Variants in TJAP1 observed in about 807,000 individuals in gnomAD.
The protein encoded by TJAP1 is tight junction-associated protein 1.
TJAP1 carries 27 observed loss-of-function variants against 42.0 expected under a neutral mutation model. The observed-to-expected ratio is 0.64, with a 90% CI of 0.47 to 0.89. TJAP1 has a LOEUF of 0.89. TJAP1 is among the 40% of genes least tolerant of loss of function. TJAP1 has a pLI of 0.00. For missense variants in TJAP1, 712 were observed against 726.9 expected (o/e 0.98, Z 0.24); for synonymous variants, 257 against 288.4 (o/e 0.89, Z 1.10).
intron 6 of TJAP1, 65 bp downstream of exon 6, chr6:43,501,752 A>G: frequency 1.7e-6 from 1 of 596,696 alleles, no homozygotes; most frequent in Non-Finnish European, 3.1e-6. Flanking sequence ...ACACACACAC[A>G]CACACACTCT....
At chr6:43,504,764 C>T in exon 11 of TJAP1, 1 of 1,609,662 alleles carries the variant, frequency 6.2e-7, no homozygotes, top group Non-Finnish European at 8.5e-7. Flanking sequence ...ACCTCAGCTG[C>T]CCTGTGAGCT....
intron 7 of TJAP1, 40 bp downstream of exon 7, chr6:43,502,389 C>T (rs1791131466): frequency 6.2e-7 from 1 of 1,603,724 alleles, no homozygotes. Flanking sequence ...GCACTGTGCT[C>T]ATAGCATAGC....
At chr6:43,490,782 G>C (rs749095684) in intron 2 of TJAP1, among the ~76,000 whole-genome samples, 11 of 152,184 alleles carry the variant, frequency 7.2e-5, no homozygotes, top group Non-Finnish European at 1.3e-4. Context: ...AGCTGGGAAG[G>C]GTGCCTCAGT....
intron 2 of TJAP1, among the ~76,000 whole-genome samples, chr6:43,483,381 A>G (rs1383760506): frequency 1.3e-5 from 2 of 152,108 alleles, no homozygotes; most frequent in Non-Finnish European, 2.9e-5. Context: ...TCAGTCCATA[A>G]TGCTCACCTC....
intron 2 of TJAP1, among the ~76,000 whole-genome samples, chr6:43,482,962 A>G (rs375402825): frequency 3.3e-5 from 5 of 152,242 alleles, no homozygotes; most frequent in African/African-American, 1.2e-4. Flanking sequence ...TCTCTACTAA[A>G]AATACAAAAA....
intron 5 of TJAP1, chr6:43,501,266 T>C (rs1790451152): frequency 2.1e-6 from 1 of 470,536 alleles, no homozygotes; most frequent in Non-Finnish European, 3.8e-6. Flanking sequence ...TTATTTCTAT[T>C]CTCCGATAGT....
chr6:43,490,274 C>A (rs1436170330), intron 2 of TJAP1, among the ~76,000 whole-genome samples: 1 of 152,262 alleles, frequency 6.6e-6, no homozygotes, highest in African/African-American at 2.4e-5. Flanking sequence ...GACCACCCCC[C>A]ACCGTCACCC....
At chr6:43,501,384 CAGACTA>C (rs1790477529) in intron 5 of TJAP1, 136 bp from the exon 6 acceptor site, 1 of 738,010 alleles carries the variant, frequency 1.4e-6, no homozygotes, top group Non-Finnish European at 2.3e-6. Flanking sequence ...GCCTTAGACT[CAGACTA>C]AGACTCCAGG....
chr6:43,499,057 G>A (rs533514467), exon 4 of TJAP1: 9 of 1,614,102 alleles, frequency 5.6e-6, no homozygotes, highest in East Asian at 4.5e-5. Context: ...CCAGAGCATC[G>A]GGAGCTGCGT....
chr6:43,486,350 G>A (rs1786509832), intron 2 of TJAP1, among the ~76,000 whole-genome samples: 1 of 138,572 alleles, frequency 7.2e-6, no homozygotes, highest in South Asian at 2.4e-4. Context: ...TAGCTTTCCA[G>A]TAGCTTTTTT....
chr6:43,479,880 G>T (rs1180073918), intron 2 of TJAP1, among the ~76,000 whole-genome samples: 1 of 152,076 alleles, frequency 6.6e-6, no homozygotes, highest in East Asian at 1.9e-4. Flanking sequence ...TGAGGCAGGA[G>T]AATCGCTTGA....
chr6:43,488,398 G>A (rs573313896), intron 2 of TJAP1, among the ~76,000 whole-genome samples: 2 of 152,266 alleles, frequency 1.3e-5, no homozygotes, highest in East Asian at 3.9e-4. Flanking sequence ...TGCCACAGCA[G>A]GCACCCTGGC....
intron 4 of TJAP1, 35 bp from the exon 5 acceptor site, chr6:43,500,709 C>T (rs1164643290): frequency 6.2e-7 from 1 of 1,613,836 alleles, no homozygotes; most frequent in African/African-American, 1.3e-5. Context: ...TCCAGTGGTC[C>T]AGAGCTGAGC....
chr6:43,487,784 CCTTT>C (rs1434944415), intron 2 of TJAP1, among the ~76,000 whole-genome samples: 2 of 152,008 alleles, frequency 1.3e-5, no homozygotes, highest in Non-Finnish European at 2.9e-5. Context: ...GAAGATCCTC[CCTTT>C]CTTCTCCCAT....
In TJAP1 at chr6:43,497,866, C is replaced by T. The variant is rs982345976; in HGVS notation, c.-121-15C>T. On this transcript the variant is annotated splice_polypyrimidine_tract_variant and intron_variant, in intron 2 of 10. Coordinates refer to ENST00000372449, the Ensembl canonical transcript of TJAP1. ...TGACACCTGGTTTCCACTTTCTTCCCTTCTCTGGTTTCAGGAGCTGTGGCT... is the reference window on the plus strand; with the variant it reads ...TGACACCTGGTTTCCACTTTCTTCCTTTCTCTGGTTTCAGGAGCTGTGGCT... The T allele has an allele frequency of 3.9e-5, 6 of 152,376 alleles. No homozygotes were observed. Among genetic ancestry groups the T allele is most frequent in the Non-Finnish European group, 8.8e-5 (6 of 68,148 alleles). 9.4% of individuals were successfully genotyped at this position (152,376 alleles called of 1,614,324 possible).
rs1790339819 is a variant in TJAP1, at chr6:43,500,731, C to T, written c.100-13C>T. 3.7e-6 allele frequency: 6 copies of T among 1,614,034 alleles called. No homozygotes were observed. The South Asian group carries it at 5.5e-5, about 15-fold the overall frequency. On this transcript the variant is annotated splice_polypyrimidine_tract_variant and intron_variant, in intron 4 of 10. Transcript: ENST00000372449. ...GTCCAGAGCTGAGCCTCAAGCCTCT[C>T]TTTTTTGCCTAGGAACCCCTGACTG...
rs11967832 is a variant in TJAP1 at position 43,498,132 on chromosome 6, C to T, written c.-25+155C>T. On this transcript the variant is annotated intron_variant, in intron 3 of 10. Coordinates refer to ENST00000372449, the Ensembl canonical transcript of TJAP1. ...CATCAGTGGCTGAGGCCAGAGAGCT[C>T]TCTTGGGCCTTGAGACTCCCACTGG... Among the ~76,000 whole-genome samples, 1,167 of 152,286 alleles carry T rather than the reference C, an allele frequency of 7.7e-3. 12 individuals carry two copies. The highest frequency in any genetic ancestry group is 0.026 in the African/African-American group (1,096 of 41,554).
chr6:43,496,392 C>T (rs1789149763), intron 2 of TJAP1, among the ~76,000 whole-genome samples: 2 of 152,202 alleles, frequency 1.3e-5, no homozygotes, highest in African/African-American at 4.8e-5. Flanking sequence ...TTGTTTGCTC[C>T]CCACACCCCG....
At position 43,495,943 on chromosome 6, in the gene TJAP1, C is replaced by T. The variant is rs905581834; in HGVS notation, c.-121-1938C>T. On this transcript the variant is annotated intron_variant, in intron 2 of 10. Coordinates refer to ENST00000372449, the Ensembl canonical transcript of TJAP1. The surrounding 1 kb of genome is among the most constrained non-coding windows in gnomAD (Gnocchi z 4.6). ...AGTGCGTTTGTGTCCTCCCTGCCTG[C>T]CTGCCGTTCATGCAGGTGTTTCGGT... Among the ~76,000 whole-genome samples, 5 of 152,270 alleles carry T rather than the reference C, an allele frequency of 3.3e-5. No individual in the cohort carries two copies. Among genetic ancestry groups the T allele is most frequent in the Middle Eastern group, 3.4e-3 (1 of 294 alleles).
Sources: allele counts gnomAD v4.1 joint callset (sites outside exome capture counted in the v4.1 genomes callset), GRCh38; gene constraint gnomAD v4.1.1; non-coding constraint Gnocchi (gnomAD v3.1); transcripts MANE v1.5; gene names NCBI Gene and HGNC (gene_info 2026-07-23, HGNC 2026-07-21).